The following B3GALT1 variants were observed in gnomAD, a reference collection of about 807,000 sequenced individuals.
The protein encoded by B3GALT1 is UDP-Gal:betaGlcNAc beta 1,3-galactosyltransferase, polypeptide 1.
Under a neutral mutation model 23.2 loss-of-function variants are expected in B3GALT1, and 10 were observed. The ratio of observed to expected loss-of-function variants is 0.43; its 90% CI spans 0.27 to 0.73. B3GALT1 has a LOEUF of 0.73. Ranked by LOEUF, B3GALT1 falls within the 30% of genes least tolerant of loss-of-function variation. B3GALT1 has a pLI of 0.21. For missense variants in B3GALT1, 299 were observed against 405.4 expected (o/e 0.74, Z 2.25); for synonymous variants, 156 against 141.5 (o/e 1.10, Z -0.73).
chr2:167,330,424 T>G (rs1696955446), intron 1 of B3GALT1, among the ~76,000 whole-genome samples: 1 of 152,104 alleles, frequency 6.6e-6, no homozygotes, highest in South Asian at 2.1e-4. Flanking sequence ...CTGGGCAACA[T>G]AGTGAGACCC....
chr2:167,503,779 A>G (rs1276316013), intron 2 of B3GALT1, among the ~76,000 whole-genome samples: 1 of 152,180 alleles, frequency 6.6e-6, no homozygotes, highest in South Asian at 2.1e-4. Context: ...ATGCCATTCC[A>G]TATTCCTTGA....
At chr2:167,608,178 A>G (rs970531655) in intron 2 of B3GALT1, among the ~76,000 whole-genome samples, 2 of 152,202 alleles carry the variant, frequency 1.3e-5, no homozygotes, top group Non-Finnish European at 2.9e-5. Flanking sequence ...TACCTGAGAC[A>G]AAAGAAAGAC....
chr2:167,771,869 C>G (rs749669275), intron 3 of B3GALT1, among the ~76,000 whole-genome samples: 4 of 152,322 alleles, frequency 2.6e-5, no homozygotes, highest in South Asian at 2.1e-4. Flanking sequence ...AGTCCCTTCT[C>G]ATGCATATTG....
intron 2 of B3GALT1, among the ~76,000 whole-genome samples, chr2:167,616,611 C>T (rs916062912): frequency 5.3e-5 from 8 of 151,928 alleles, no homozygotes; most frequent in African/African-American, 1.9e-4. Flanking sequence ...CTGAGAATCG[C>T]TTGAACCTGG....
rs892578561 is a variant in B3GALT1, at chr2:167,873,094, C to A, written c.*3074C>A. 6.6e-6 allele frequency: 1 copy of A among 152,162 alleles called. No individual in the cohort carries two copies. The highest frequency in any genetic ancestry group is 1.5e-5 in the Non-Finnish European group (1 of 68,028). 9.4% of individuals were successfully genotyped at this position (152,162 alleles called of 1,614,324 possible). On this transcript the variant is annotated 3_prime_UTR_variant, in exon 5 of 5. Coordinates refer to ENST00000392690, the MANE Select transcript of B3GALT1 (RefSeq NM_020981.4). ...TCAATTACTGTTGAGCCATTCTTATCATTTCCCTGACATAAAATATGCAAT... is the reference window on the plus strand; with the variant it reads ...TCAATTACTGTTGAGCCATTCTTATAATTTCCCTGACATAAAATATGCAAT...
intron 2 of B3GALT1, among the ~76,000 whole-genome samples, chr2:167,556,375 T>C (rs1006458542): frequency 6.6e-6 from 1 of 152,098 alleles, no homozygotes; most frequent in African/African-American, 2.4e-5. Context: ...TCTCTACTTA[T>C]CTATTTATCT....
chr2:167,830,470 T>C (rs934385833), intron 4 of B3GALT1, among the ~76,000 whole-genome samples: 1 of 152,182 alleles, frequency 6.6e-6, no homozygotes, highest in Non-Finnish European at 1.5e-5. Flanking sequence ...CGTGAAAAGT[T>C]TGTACATTAA....
intron 3 of B3GALT1, among the ~76,000 whole-genome samples, chr2:167,803,276 T>C (rs747725204): frequency 7.9e-5 from 12 of 152,236 alleles, no homozygotes; most frequent in African/African-American, 1.9e-4. Flanking sequence ...TAGATACTTA[T>C]GCATTTTGAA....
At chr2:167,525,984 G>A (rs1013733364) in intron 2 of B3GALT1, among the ~76,000 whole-genome samples, 1 of 151,930 alleles carries the variant, frequency 6.6e-6, no homozygotes, top group Non-Finnish European at 1.5e-5. Context: ...TGTTCCTTGA[G>A]CACTTCTTTA....
intron 2 of B3GALT1, among the ~76,000 whole-genome samples, chr2:167,502,972 G>C (rs902697260): frequency 6.6e-6 from 1 of 152,156 alleles, no homozygotes; most frequent in African/African-American, 2.4e-5. Flanking sequence ...CTGGGAGGCA[G>C]AGGTTGCAGT....
chr2:167,443,497 C>G (rs1388817182), intron 1 of B3GALT1, among the ~76,000 whole-genome samples: 1 of 152,140 alleles, frequency 6.6e-6, no homozygotes, highest in African/African-American at 2.4e-5. Flanking sequence ...TTGATTGTTC[C>G]TATCCATGAG....
At chr2:167,708,768 T>C (rs1687006914) in intron 3 of B3GALT1, among the ~76,000 whole-genome samples, 1 of 152,208 alleles carries the variant, frequency 6.6e-6, no homozygotes, top group African/African-American at 2.4e-5. Context: ...TCCCATTGTA[T>C]ACACCAAGCT....
At chr2:167,389,468 G>C (rs993221060) in intron 1 of B3GALT1, among the ~76,000 whole-genome samples, 2 of 152,184 alleles carry the variant, frequency 1.3e-5, no homozygotes, top group Admixed American at 6.5e-5. Flanking sequence ...AAGAGTGTCT[G>C]CTGGAGAATG....
intron 1 of B3GALT1, among the ~76,000 whole-genome samples, chr2:167,323,551 G>A (rs1389231432): frequency 6.6e-6 from 1 of 152,112 alleles, no homozygotes; most frequent in East Asian, 1.9e-4. Flanking sequence ...CTAAGAATGA[G>A]TATGTATAGT....
intron 3 of B3GALT1, among the ~76,000 whole-genome samples, chr2:167,668,363 A>G (rs139023864): frequency 0.013 from 1,905 of 152,234 alleles, 48 homozygotes; most frequent in African/African-American, 0.043. Context: ...AAGCTGTCAG[A>G]CAGGGACATT....
intron 2 of B3GALT1, among the ~76,000 whole-genome samples, chr2:167,619,885 T>G (rs913884218): frequency 1.3e-5 from 2 of 152,082 alleles, no homozygotes; most frequent in Non-Finnish European, 2.9e-5. Context: ...GCACTGGTAA[T>G]CAAAAAGGAA....
intron 3 of B3GALT1, among the ~76,000 whole-genome samples, chr2:167,704,148 T>C (rs895341571): frequency 2.4e-5 from 3 of 122,932 alleles, no homozygotes; most frequent in Non-Finnish European, 4.7e-5. Context: ...ACCACTGCAC[T>C]CCAGACTGGG....
intron 1 of B3GALT1, among the ~76,000 whole-genome samples, chr2:167,343,504 A>G (rs1192331100): frequency 1.3e-5 from 2 of 152,194 alleles, no homozygotes; most frequent in Non-Finnish European, 2.9e-5. Flanking sequence ...TGGCTAAGCA[A>G]TGTCAGAAGG....
chr2:167,554,517 G>A (rs1377129905), intron 2 of B3GALT1, among the ~76,000 whole-genome samples: 3 of 152,150 alleles, frequency 2.0e-5, no homozygotes, highest in African/African-American at 7.2e-5. Flanking sequence ...CAGATAATCT[G>A]CCTGTTACCT....
Sources: gnomAD v4.1 joint callset for allele counts (sites outside exome capture counted in the v4.1 genomes callset) on GRCh38, gnomAD v4.1.1 for gene constraint, MANE v1.5 for transcripts, NCBI Gene and HGNC (gene_info 2026-07-23, HGNC 2026-07-21) for gene names.